The following PLCB1 variants were observed in gnomAD, a reference collection of about 807,000 sequenced individuals.
PLCB1 encodes phospholipase C beta 1.
In PLCB1, 46 loss-of-function variants were observed where a neutral mutation model predicts 161.8. The observed-to-expected ratio is 0.28, with a 90% confidence interval of 0.22 to 0.36. The LOEUF is 0.36. Among genes scored for constraint, PLCB1 ranks in the 10% least tolerant of loss-of-function variants. PLCB1 has a pLI of 1.00. For missense variants in PLCB1, 1,016 were observed against 1,472.5 expected (o/e 0.69, Z 5.07); for synonymous variants, 517 against 503.7 (o/e 1.03, Z -0.35).
chr20:8,805,182 T>A (rs1362930321), intron 31 of PLCB1, among the ~76,000 whole-genome samples: 1 of 152,200 alleles, frequency 6.6e-6, no homozygotes, highest in Non-Finnish European at 1.5e-5. Context: ...TGAAAAAATA[T>A]ATTCCTTGTT....
chr20:8,139,457 C>T (rs911822435), intron 1 of PLCB1, among the ~76,000 whole-genome samples: 5 of 151,686 alleles, frequency 3.3e-5, no homozygotes, highest in African/African-American at 1.2e-4. Flanking sequence ...ACTGAATTGA[C>T]GTTTAATGTA....
chr20:8,698,520 T>C (rs1990630851), intron 11 of PLCB1, among the ~76,000 whole-genome samples: 1 of 152,196 alleles, frequency 6.6e-6, no homozygotes. Flanking sequence ...TAAGATTCCA[T>C]TCTGTGATGC....
At chr20:8,459,435 C>A (rs1456239404) in intron 3 of PLCB1, among the ~76,000 whole-genome samples, 2 of 152,164 alleles carry the variant, frequency 1.3e-5, no homozygotes, top group Non-Finnish European at 2.9e-5. Flanking sequence ...CCATGTATTG[C>A]TGCTGCCTTT....
rs529160640 is a variant in PLCB1 at position 8,520,433 on chromosome 20, GA to G, written c.247-107860del. On this transcript the variant is annotated intron_variant, in intron 3 of 31. Transcript: ENST00000338037. ...TTTTGCCAGTTAACCATGGCCAACT[GA>G]TTTTTTTTTCTTTGTTCACCTCCTC... Among the ~76,000 whole-genome samples, 108 of 152,076 alleles carry G rather than the reference GA, an allele frequency of 7.1e-4. 1 individual carries two copies. Among genetic ancestry groups the G allele is most frequent in the African/African-American group, 2.5e-3 (102 of 41,492 alleles).
intron 14 of PLCB1, among the ~76,000 whole-genome samples, chr20:8,721,311 C>T (rs1466010140): frequency 2.0e-5 from 3 of 152,178 alleles, no homozygotes; most frequent in Non-Finnish European, 2.9e-5. Flanking sequence ...ATCTATTGGG[C>T]TCATCGTGCT....
chr20:8,392,197 G>A (rs564416083), intron 3 of PLCB1, among the ~76,000 whole-genome samples: 2 of 152,002 alleles, frequency 1.3e-5, no homozygotes, highest in Admixed American at 6.6e-5. Flanking sequence ...TGTGATTAAG[G>A]TCCTTATAAA....
intron 20 of PLCB1, 113 bp downstream of exon 20, chr20:8,737,305 A>G: frequency 1.1e-6 from 1 of 887,012 alleles, no homozygotes; most frequent in Non-Finnish European, 1.7e-6. Context: ...TTACACACTT[A>G]TAAAGCAATT....
intron 31 of PLCB1, among the ~76,000 whole-genome samples, chr20:8,797,130 A>G (rs1358242060): frequency 1.3e-5 from 2 of 152,194 alleles, no homozygotes; most frequent in African/African-American, 4.8e-5. Context: ...CCTTTAGCAC[A>G]CTGAAGATAA....
chr20:8,328,532 G>C lies in PLCB1; in HGVS notation c.178-42850G>C, dbSNP rs536732486. Among the ~76,000 whole-genome samples, 132 of 151,294 alleles carry C rather than the reference G, an allele frequency of 8.7e-4. 2 individuals are homozygous for C. The highest frequency in any genetic ancestry group is 1.6e-3 in the African/African-American group (66 of 41,318). On this transcript the variant is annotated intron_variant, in intron 2 of 31. Coordinates refer to ENST00000338037, the MANE Select transcript of PLCB1 (RefSeq NM_015192.4). ...ATTCCATTTTAATTTTAGTTATCCT[G>C]CATCATTTCTGTAGGTGTGTTTTAT...
chr20:8,629,790 CTTTCT>C lies in PLCB1; in HGVS notation c.384+1362_384+1366del, dbSNP rs1351572030. Among the ~76,000 whole-genome samples the C allele has an allele frequency of 9.0e-4, 81 of 90,442 alleles. 1 individual carries two copies. The highest frequency in any genetic ancestry group is 6.0e-3 in the Middle Eastern group (1 of 166). The allele number at this position is 90,442 out of a possible 152,430, so 59.3% of individuals were successfully genotyped here. ...ATGTGTTGGCCTGGTTCCTTCCTTC[CTTTCT>C]TTCTTTTCTTTCTTTTCTTTCTTTT... On this transcript the variant is annotated intron_variant, in intron 4 of 31. Coordinates refer to ENST00000338037, the MANE Select transcript of PLCB1 (RefSeq NM_015192.4).
chr20:8,502,589 A>G (rs2122818719), intron 3 of PLCB1, among the ~76,000 whole-genome samples: 1 of 152,302 alleles, frequency 6.6e-6, no homozygotes. Flanking sequence ...TCTTTGAACA[A>G]CTGCCTTCTT....
At chr20:8,244,296 A>T (rs1980765539) in intron 2 of PLCB1, among the ~76,000 whole-genome samples, 1 of 151,962 alleles carries the variant, frequency 6.6e-6, no homozygotes, top group Admixed American at 6.6e-5. Context: ...ATAATCATAC[A>T]GTCGTATTTG....
At chr20:8,140,275 G>T (rs2051389276) in intron 1 of PLCB1, among the ~76,000 whole-genome samples, 1 of 152,158 alleles carries the variant, frequency 6.6e-6, no homozygotes, top group Non-Finnish European at 1.5e-5. Context: ...CAGTTTTTCT[G>T]TCAAGTGCTT....
intron 7 of PLCB1, chr20:8,651,382 G>T: frequency 1.4e-6 from 1 of 705,898 alleles, no homozygotes; most frequent in East Asian, 2.7e-5. Context: ...AGAAATAAGA[G>T]CACCTCTTCA....
intron 2 of PLCB1, among the ~76,000 whole-genome samples, chr20:8,299,609 C>G (rs1024428910): frequency 1.3e-5 from 2 of 152,178 alleles, no homozygotes; most frequent in Non-Finnish European, 2.9e-5. Flanking sequence ...TCTCATGCAC[C>G]CTGATTTCTC....
intron 3 of PLCB1, among the ~76,000 whole-genome samples, chr20:8,381,425 C>G (rs1458790819): frequency 2.0e-5 from 3 of 152,054 alleles, no homozygotes; most frequent in African/African-American, 7.2e-5. Context: ...GTGTCTCTGC[C>G]AGGTTTTGGT....
At chr20:8,280,259 C>T (rs1982806661) in intron 2 of PLCB1, among the ~76,000 whole-genome samples, 1 of 151,576 alleles carries the variant, frequency 6.6e-6, no homozygotes, top group African/African-American at 2.4e-5. Context: ...TTGCTTGAAC[C>T]TGGAGGCAGA....
intron 27 of PLCB1, among the ~76,000 whole-genome samples, chr20:8,781,540 A>T (rs968169586): frequency 6.6e-6 from 1 of 151,868 alleles, no homozygotes. Context: ...ACGCTTTTTC[A>T]TGGCTTCGTA....
At chr20:8,251,538 A>G (rs889406022) in intron 2 of PLCB1, among the ~76,000 whole-genome samples, 3 of 151,888 alleles carry the variant, frequency 2.0e-5, no homozygotes, top group Non-Finnish European at 4.4e-5. Context: ...GAGTTGTTGG[A>G]GAATGAAGTA....
Sources: gnomAD v4.1 joint callset for allele counts (sites outside exome capture counted in the v4.1 genomes callset) on GRCh38, gnomAD v4.1.1 for gene constraint, MANE v1.5 for transcripts, NCBI Gene and HGNC (gene_info 2026-07-23, HGNC 2026-07-21) for gene names.